FGGY: variants seen among roughly 807,000 people sequenced by gnomAD.
The protein encoded by FGGY is FGGY carbohydrate kinase domain-containing protein.
FGGY carries 72 observed loss-of-function variants against 71.3 expected under a neutral mutation model. The ratio of observed to expected loss-of-function variants is 1.01; its 90% CI spans 0.84 to 1.23. FGGY has a LOEUF of 1.23. Among genes scored for constraint, FGGY ranks in the 50% most tolerant of loss-of-function variants. The pLI is 0.00. For missense variants in FGGY, 668 were observed against 682.3 expected, an observed-to-expected ratio of 0.98 and a Z score of 0.23; for synonymous variants, 251 against 250.3, an observed-to-expected ratio of 1.00 and a Z score of -0.02.
intron 1 of FGGY, among the ~76,000 whole-genome samples, chr1:59,319,605 C>T (rs1057097213): frequency 6.6e-6 from 1 of 152,056 alleles, no homozygotes; most frequent in African/African-American, 2.4e-5. Context: ...GGTCACCAGG[C>T]AGACAAGGAA....
chr1:59,359,744 G>T (rs768782276), intron 4 of FGGY, among the ~76,000 whole-genome samples: 1 of 152,104 alleles, frequency 6.6e-6, no homozygotes, highest in African/African-American at 2.4e-5. Context: ...ATAAAAACAA[G>T]CTTGATCTCA....
intron 5 of FGGY, among the ~76,000 whole-genome samples, chr1:59,383,361 G>C (rs1388512201): frequency 6.6e-6 from 1 of 152,138 alleles, no homozygotes; most frequent in Admixed American, 6.5e-5. Flanking sequence ...GTGACACTGA[G>C]TGAGAGATTG....
chr1:59,547,346 G>C (rs1429326262), intron 7 of FGGY, among the ~76,000 whole-genome samples: 1 of 152,166 alleles, frequency 6.6e-6, no homozygotes, highest in Non-Finnish European at 1.5e-5. Flanking sequence ...TCCTGAAAGA[G>C]ATCTGAGTTC....
At chr1:59,329,037 T>C (rs2047950374) in intron 2 of FGGY, among the ~76,000 whole-genome samples, 1 of 152,200 alleles carries the variant, frequency 6.6e-6, no homozygotes, top group Non-Finnish European at 1.5e-5. Flanking sequence ...TGACATGAGC[T>C]ATTGGAAAAA....
rs568030252 is a variant in FGGY at position 59,757,584 on chromosome 1, C to G, written c.1513-347C>G. On this transcript the variant is annotated intron_variant, in intron 14 of 15. Transcript: ENST00000303721. ...GCTGGTTATGTTCCCTGCTTCTGCC[C>G]TGTGTCCAGATAGTGAGGAGGGGAA... Among the ~76,000 whole-genome samples the G allele has an allele frequency of 2.6e-5, 4 of 152,282 alleles. No homozygotes were observed. In the South Asian group the frequency reaches 8.3e-4, roughly 32 times the overall value.
At chr1:59,412,257 G>A (rs1433184990) in intron 5 of FGGY, among the ~76,000 whole-genome samples, 4 of 152,094 alleles carry the variant, frequency 2.6e-5, no homozygotes, top group Admixed American at 6.5e-5. Context: ...TGCTACCTCT[G>A]GATCTCACTC....
At chr1:59,374,921 G>C (rs1335835184) in intron 4 of FGGY, among the ~76,000 whole-genome samples, 2 of 116,644 alleles carry the variant, frequency 1.7e-5, no homozygotes, top group East Asian at 6.3e-4. Flanking sequence ...GGTGGGGGGA[G>C]GGGGGAGGGG....
At chr1:59,715,405 T>C (rs2097838002) in intron 14 of FGGY, among the ~76,000 whole-genome samples, 1 of 152,216 alleles carries the variant, frequency 6.6e-6, no homozygotes, top group Non-Finnish European at 1.5e-5. Flanking sequence ...TCCAGCAACA[T>C]TCATTGGGAT....
intron 8 of FGGY, among the ~76,000 whole-genome samples, chr1:59,601,996 C>T (rs996917284): frequency 6.6e-6 from 1 of 152,174 alleles, no homozygotes; most frequent in African/African-American, 2.4e-5. Context: ...AAGACAATCC[C>T]ATGAAGCCCA....
chr1:59,677,311 C>T (rs1161716907), intron 14 of FGGY, among the ~76,000 whole-genome samples: 1 of 152,220 alleles, frequency 6.6e-6, no homozygotes, highest in African/African-American at 2.4e-5. Flanking sequence ...CTGCCTTCCC[C>T]TCCTTAAGAA....
At chr1:59,534,019 G>T (rs941956136) in intron 7 of FGGY, among the ~76,000 whole-genome samples, 3 of 152,182 alleles carry the variant, frequency 2.0e-5, no homozygotes, top group Admixed American at 2.0e-4. Context: ...GGCTTCAGAC[G>T]ATCAAATTAC....
intron 8 of FGGY, among the ~76,000 whole-genome samples, chr1:59,595,314 CT>C (rs35831272): frequency 0.38 from 57,875 of 151,688 alleles, 12,910 homozygotes; most frequent in African/African-American, 0.6. Context: ...TTTGTAATGC[CT>C]TTTTTTAAAA....
At chr1:59,564,337 T>G (rs1423678513) in intron 8 of FGGY, among the ~76,000 whole-genome samples, 1 of 152,140 alleles carries the variant, frequency 6.6e-6, no homozygotes, top group African/African-American at 2.4e-5. Flanking sequence ...GGCCTTAGTG[T>G]CTTTGGGCTC....
intron 6 of FGGY, among the ~76,000 whole-genome samples, chr1:59,500,477 A>G (rs1479313467): frequency 1.3e-5 from 2 of 152,100 alleles, no homozygotes; most frequent in African/African-American, 2.4e-5. Flanking sequence ...AATGATCTCA[A>G]ATCTTCACAG....
intron 7 of FGGY, among the ~76,000 whole-genome samples, chr1:59,546,531 TG>T (rs369345223): frequency 0.056 from 6,162 of 109,944 alleles, 186 homozygotes; most frequent in South Asian, 0.19. Flanking sequence ...ATGATGATGA[TG>T]ATGATTATTA....
At chr1:59,617,956 T>C (rs1177708314) in intron 9 of FGGY, among the ~76,000 whole-genome samples, 4 of 152,088 alleles carry the variant, frequency 2.6e-5, no homozygotes, top group Admixed American at 2.6e-4. Flanking sequence ...ATGTCACCTA[T>C]GGAAGACATT....
chr1:59,385,897 T>C (rs1268765027), intron 5 of FGGY, among the ~76,000 whole-genome samples: 1 of 152,144 alleles, frequency 6.6e-6, no homozygotes, highest in African/African-American at 2.4e-5. Context: ...TCAAGGGAAG[T>C]AGAACTTTTT....
intron 11 of FGGY, among the ~76,000 whole-genome samples, chr1:59,652,363 C>T (rs1434116465): frequency 6.7e-6 from 1 of 150,132 alleles, no homozygotes; most frequent in Admixed American, 6.6e-5. Flanking sequence ...AACTTGGTTC[C>T]ATTCTCCCCA....
chr1:59,657,334 G>GGAA (rs1256894380), intron 11 of FGGY, among the ~76,000 whole-genome samples: 3 of 152,214 alleles, frequency 2.0e-5, no homozygotes, highest in Non-Finnish European at 4.4e-5. Flanking sequence ...ACCAGAGAGA[G>GGAA]GAAGCCAAAG....
Sources: gnomAD v4.1 joint callset for allele counts (sites outside exome capture counted in the v4.1 genomes callset) on GRCh38, gnomAD v4.1.1 for gene constraint, MANE v1.5 for transcripts, NCBI Gene and HGNC (gene_info 2026-07-23, HGNC 2026-07-21) for gene names.